GINM1: variants seen among roughly 807,000 people sequenced by gnomAD.
The protein encoded by GINM1 is glycoprotein integral membrane protein 1.
GINM1 carries 29 observed loss-of-function variants against 37.8 expected under a neutral mutation model. That is an observed-to-expected ratio of 0.77 (90% CI 0.57 to 1.05). GINM1 has a LOEUF of 1.05. Among genes scored for constraint, GINM1 ranks in the 50% least tolerant of loss-of-function variants. The pLI, the probability that GINM1 is intolerant of heterozygous loss-of-function variation, is 0.00. For synonymous variants in GINM1, 143 were observed against 146.2 expected (o/e 0.98, Z 0.16); for missense variants, 377 against 397.9 (o/e 0.95, Z 0.45).
intron 7 of GINM1, among the ~76,000 whole-genome samples, chr6:149,586,972 A>G (rs1254966235): frequency 6.6e-6 from 1 of 151,882 alleles, no homozygotes; most frequent in Non-Finnish European, 1.5e-5. Flanking sequence ...TATTTTTTGT[A>G]GAGGCCAGGT....
rs540545398 is a variant in GINM1 at position 149,568,993 on chromosome 6, G to A, written c.120+2459G>A. On this transcript the variant is annotated intron_variant, in intron 1 of 7. Transcript: ENST00000367419. ...ACTACTGGCGCGTGCCACCACACCT[G>A]GCTAGTTTTTGTATTTTTATTTTTA... Among the ~76,000 whole-genome samples the A allele has an allele frequency of 3.3e-5, 5 of 151,160 alleles. No homozygotes were observed. The South Asian group carries it at 8.4e-4, about 25-fold the overall frequency.
At chr6:149,590,666 A>G (rs908839066) in intron 7 of GINM1, 61 bp from the exon 8 acceptor site, 21 of 880,040 alleles carry the variant, frequency 2.4e-5, no homozygotes, top group South Asian at 1.0e-4. Flanking sequence ...TTTTCTCACT[A>G]TCAAACTACA....
At position 149,566,376 on chromosome 6, in the gene GINM1, C is replaced by G. The variant is rs756555395; in HGVS notation, c.-39C>G. 2.7e-6 allele frequency: 4 copies of G among 1,487,230 alleles called. No homozygotes were observed. In the South Asian group the frequency reaches 5.1e-5, roughly 19 times the overall value. 92.1% of individuals were successfully genotyped at this position (1,487,230 alleles called of 1,614,324 possible). A position where few individuals can be genotyped will look rare whatever the true frequency, so the allele number is the denominator to read the frequency against. On this transcript the variant is annotated 5_prime_UTR_variant, in exon 1 of 8. Transcript: ENST00000367419. This position sits in a 1 kb window ranked among gnomAD's most constrained non-coding sequence, Gnocchi z 4.4. ...CGCCCGCGGGCCGGCTCCGCCCTCACCTCCCGGCCGCGGCTGCCCTCTGCC... is the reference window on the plus strand; with the variant it reads ...CGCCCGCGGGCCGGCTCCGCCCTCAGCTCCCGGCCGCGGCTGCCCTCTGCC...
intron 7 of GINM1, among the ~76,000 whole-genome samples, chr6:149,585,073 A>G (rs954476456): frequency 1.3e-5 from 2 of 152,140 alleles, no homozygotes; most frequent in Non-Finnish European, 2.9e-5. Flanking sequence ...AGTTTAACAG[A>G]TTTCTTTCCC....
chr6:149,590,294 G>A (rs1250212584), intron 7 of GINM1, among the ~76,000 whole-genome samples: 1 of 152,158 alleles, frequency 6.6e-6, no homozygotes, highest in Non-Finnish European at 1.5e-5. Context: ...TTACAATGCA[G>A]GGTCCTAGAT....
At chr6:149,588,619 T>C (rs1355703157) in intron 7 of GINM1, among the ~76,000 whole-genome samples, 1 of 152,128 alleles carries the variant, frequency 6.6e-6, no homozygotes, top group Non-Finnish European at 1.5e-5. Flanking sequence ...ATGGGGCTTT[T>C]TTTGTTTGTT....
At chr6:149,571,018 G>T (rs762040486) in intron 1 of GINM1, among the ~76,000 whole-genome samples, 13 of 152,040 alleles carry the variant, frequency 8.6e-5, no homozygotes, top group Non-Finnish European at 1.5e-4. Flanking sequence ...ACTCAAGAAA[G>T]GGTCAGTGCA....
At chr6:149,569,720 T>C (rs1777780991) in intron 1 of GINM1, among the ~76,000 whole-genome samples, 1 of 152,184 alleles carries the variant, frequency 6.6e-6, no homozygotes, top group Non-Finnish European at 1.5e-5. Flanking sequence ...GGACACTTAC[T>C]TTCTTGTATG....
At chr6:149,571,332 T>C (rs1276680018) in intron 1 of GINM1, among the ~76,000 whole-genome samples, 2 of 144,422 alleles carry the variant, frequency 1.4e-5, no homozygotes, top group African/African-American at 5.1e-5. Context: ...AAAAAAAAAG[T>C]CATTGCAACT....
intron 7 of GINM1, among the ~76,000 whole-genome samples, chr6:149,588,651 T>C (rs2115064000): frequency 6.6e-6 from 1 of 152,072 alleles, no homozygotes; most frequent in East Asian, 1.9e-4. Context: ...AAAGACAGGG[T>C]TTTGTTCTGT....
At chr6:149,571,830 T>A (rs1318815476) in intron 1 of GINM1, among the ~76,000 whole-genome samples, 1 of 151,930 alleles carries the variant, frequency 6.6e-6, no homozygotes, top group East Asian at 1.9e-4. Flanking sequence ...CGCCTGTAAT[T>A]CCAGCACTTT....
intron 6 of GINM1, among the ~76,000 whole-genome samples, chr6:149,581,467 C>T (rs928899535): frequency 1.4e-4 from 22 of 152,294 alleles, no homozygotes; most frequent in African/African-American, 4.8e-4. Context: ...CCGATAATTA[C>T]TCTTTATTTC....
chr6:149,577,282 T>A (rs1349200050), intron 3 of GINM1: 1 of 152,262 alleles, frequency 6.6e-6, no homozygotes, highest in East Asian at 1.9e-4. Flanking sequence ...ACGGACATGC[T>A]GACACAGCGC....
intron 2 of GINM1, 35 bp downstream of exon 2, chr6:149,572,379 A>T: frequency 1.4e-6 from 2 of 1,432,020 alleles, no homozygotes; most frequent in Non-Finnish European, 1.9e-6. Context: ...TATATAATTT[A>T]GCTAAGTGCT....
At chr6:149,582,334 A>G in intron 6 of GINM1, 106 bp from the exon 7 acceptor site, 1 of 979,468 alleles carries the variant, frequency 1.0e-6, no homozygotes, top group African/African-American at 1.6e-5. Context: ...AGCACAATCA[A>G]AATATAGAAT....
At chr6:149,580,226 A>G (rs1430829902) in intron 5 of GINM1, among the ~76,000 whole-genome samples, 1 of 152,238 alleles carries the variant, frequency 6.6e-6, no homozygotes, top group Non-Finnish European at 1.5e-5. Context: ...GAATGTGATC[A>G]GTGCTGGTTG....
At chr6:149,569,605 T>C (rs574270123) in intron 1 of GINM1, among the ~76,000 whole-genome samples, 2 of 152,320 alleles carry the variant, frequency 1.3e-5, no homozygotes, top group South Asian at 4.1e-4. Context: ...CCCAAAGTGC[T>C]AGGATTACAG....
intron 6 of GINM1, 96 bp downstream of exon 6, chr6:149,580,819 G>C (rs1777988888): frequency 1.9e-6 from 2 of 1,054,856 alleles, no homozygotes; most frequent in Non-Finnish European, 2.8e-6. Flanking sequence ...CTGAAGAATG[G>C]AACTGTAGAG....
Position 149,579,846 on chromosome 6 carries a change from G to A in GINM1, c.442G>A (p.Asp148Asn). The part of the protein sequence containing the change: ...EIDGKQVQQK[D>N]VTEIDILVKN... ...TTTTCTTTCACAGGTTCAGCAAAAG[G>A]ATGTCACTGAAATTGATATTTTAGT... Residue 148 changes from aspartate to asparagine, a missense_variant, in exon 5 of 8, where the codon GAT becomes AAT. By Grantham distance (23) the Asp-to-Asn change is conservative. Transcript: ENST00000367419. The A allele has an allele frequency of 6.3e-7, 1 of 1,592,148 alleles. No individual in the cohort carries two copies. Among genetic ancestry groups the A allele is most frequent in the Non-Finnish European group, 8.6e-7 (1 of 1,167,538 alleles).
Sources: gnomAD v4.1 joint callset for allele counts (sites outside exome capture counted in the v4.1 genomes callset) on GRCh38, gnomAD v4.1.1 for gene constraint, Gnocchi (gnomAD v3.1) non-coding constraint, MANE v1.5 for transcripts, NCBI Gene and HGNC (gene_info 2026-07-23, HGNC 2026-07-21) for gene names.